The following NAALADL2 variants were observed in gnomAD, a reference collection of about 807,000 sequenced individuals.
NAALADL2 encodes the protein N-acetylated alpha-linked acidic dipeptidase like 2.
NAALADL2 carries 76 observed loss-of-function variants against 87.2 expected under a neutral mutation model. That is an observed-to-expected ratio of 0.87 (90% CI 0.72 to 1.05). The LOEUF is 1.05. NAALADL2 is among the 50% of genes least tolerant of loss of function. NAALADL2 has a pLI of 0.00. For synonymous variants in NAALADL2, 354 were observed against 331.0 expected (o/e 1.07, Z -0.75); for missense variants, 1,089 against 945.8 (o/e 1.15, Z -1.99).
chr3:175,318,225 T>A (rs1759396844), intron 4 of NAALADL2, among the ~76,000 whole-genome samples: 1 of 152,120 alleles, frequency 6.6e-6, no homozygotes, highest in Non-Finnish European at 1.5e-5. Flanking sequence ...TTTGTACTGA[T>A]AAGCAAATGA....
chr3:174,741,215 A>G (rs1268866963), intron 3 of NAALADL2, among the ~76,000 whole-genome samples: 3 of 151,700 alleles, frequency 2.0e-5, no homozygotes, highest in Non-Finnish European at 4.4e-5. Context: ...GTCTTGAGGT[A>G]CTTTTCATTA....
chr3:175,213,021 C>T (rs900269058), intron 2 of NAALADL2, among the ~76,000 whole-genome samples: 1 of 152,072 alleles, frequency 6.6e-6, no homozygotes, highest in Non-Finnish European at 1.5e-5. Flanking sequence ...GAAATCAGTG[C>T]AAGCCTAAAA....
chr3:174,754,464 A>G (rs1294960325), intron 3 of NAALADL2, among the ~76,000 whole-genome samples: 2 of 136,492 alleles, frequency 1.5e-5, no homozygotes, highest in African/African-American at 5.9e-5. Context: ...TTACAGAGCT[A>G]TCTTTTTTTT....
intron 11 of NAALADL2, among the ~76,000 whole-genome samples, chr3:175,654,532 G>C (rs1219449936): frequency 6.6e-6 from 1 of 152,048 alleles, no homozygotes; most frequent in African/African-American, 2.4e-5. Flanking sequence ...AATCATATTA[G>C]TCTATAGGTA....
At chr3:175,702,481 C>T (rs923728774) in intron 11 of NAALADL2, among the ~76,000 whole-genome samples, 3 of 151,716 alleles carry the variant, frequency 2.0e-5, no homozygotes, top group African/African-American at 7.3e-5. Flanking sequence ...GAAAAAAAAA[C>T]TAAAAAAGAA....
intron 11 of NAALADL2, among the ~76,000 whole-genome samples, chr3:175,704,314 C>T (rs1304157554): frequency 6.6e-6 from 1 of 152,124 alleles, no homozygotes; most frequent in Non-Finnish European, 1.5e-5. Flanking sequence ...GTGGAAAGCC[C>T]TGGAATATAT....
At chr3:174,983,316 G>A (rs748713869) in intron 1 of NAALADL2, among the ~76,000 whole-genome samples, 1 of 152,172 alleles carries the variant, frequency 6.6e-6, no homozygotes, top group African/African-American at 2.4e-5. Context: ...CTTGGCTATA[G>A]GGGTGGTCTC....
At chr3:174,555,924 C>T (rs980141699) in intron 2 of NAALADL2, among the ~76,000 whole-genome samples, 1 of 151,670 alleles carries the variant, frequency 6.6e-6, no homozygotes, top group Non-Finnish European at 1.5e-5. Flanking sequence ...TCCACCACCC[C>T]ATCGATGTTA....
intron 4 of NAALADL2, 138 bp downstream of exon 4, chr3:175,256,668 G>C: frequency 1.6e-6 from 1 of 644,590 alleles, no homozygotes; most frequent in Non-Finnish European, 2.4e-6. Flanking sequence ...AGAAAGAGAG[G>C]CAGAGAGTGT....
At chr3:175,237,337 C>A (rs1746079650) in intron 3 of NAALADL2, among the ~76,000 whole-genome samples, 1 of 151,864 alleles carries the variant, frequency 6.6e-6, no homozygotes, top group Non-Finnish European at 1.5e-5. Flanking sequence ...ATATCTTTTT[C>A]AAATTTAGCA....
intron 1 of NAALADL2, among the ~76,000 whole-genome samples, chr3:174,471,719 C>G (rs1716919996): frequency 6.6e-6 from 1 of 151,860 alleles, no homozygotes; most frequent in Non-Finnish European, 1.5e-5. Flanking sequence ...TTGTATGCCC[C>G]AGTATCCTCA....
At chr3:174,926,238 T>C (rs1388898534) in intron 1 of NAALADL2, among the ~76,000 whole-genome samples, 5 of 152,206 alleles carry the variant, frequency 3.3e-5, no homozygotes, top group Non-Finnish European at 7.3e-5. Context: ...CTGATTGGTG[T>C]ACCTGAAAGT....
intron 3 of NAALADL2, among the ~76,000 whole-genome samples, chr3:174,851,335 A>T (rs1281064520): frequency 4.0e-5 from 6 of 150,682 alleles, no homozygotes; most frequent in Non-Finnish European, 8.9e-5. Context: ...GGAAAGATAA[A>T]CAAAAGTGAA....
At chr3:175,171,999 G>A (rs1734909200) in intron 2 of NAALADL2, among the ~76,000 whole-genome samples, 1 of 151,988 alleles carries the variant, frequency 6.6e-6, no homozygotes, top group Non-Finnish European at 1.5e-5. Context: ...TTGGATATAG[G>A]GTAGATTAAG....
At chr3:175,027,253 C>G (rs1156602535) in intron 1 of NAALADL2, among the ~76,000 whole-genome samples, 1 of 151,952 alleles carries the variant, frequency 6.6e-6, no homozygotes, top group Non-Finnish European at 1.5e-5. Context: ...GATTTAATGC[C>G]AATGAATGAA....
intron 3 of NAALADL2, among the ~76,000 whole-genome samples, chr3:175,254,524 C>G (rs1485120755): frequency 1.3e-5 from 2 of 152,130 alleles, no homozygotes; most frequent in South Asian, 4.1e-4. Flanking sequence ...TATACACAAT[C>G]TGATCTATAT....
chr3:175,562,962 G>A (rs964633232), intron 9 of NAALADL2, among the ~76,000 whole-genome samples: 4 of 151,628 alleles, frequency 2.6e-5, no homozygotes, highest in African/African-American at 9.7e-5. Flanking sequence ...GGGTGTGTGT[G>A]TGTGTGTGTA....
intron 5 of NAALADL2, among the ~76,000 whole-genome samples, chr3:175,425,664 T>C (rs574128541): frequency 9.2e-5 from 14 of 152,256 alleles, no homozygotes; most frequent in Non-Finnish European, 1.9e-4. Context: ...ATTTAGATAG[T>C]ATTTGGTAAA....
chr3:175,141,055 C>T (rs1225476204), intron 2 of NAALADL2, among the ~76,000 whole-genome samples: 2 of 151,966 alleles, frequency 1.3e-5, no homozygotes, highest in Middle Eastern at 3.2e-3. Flanking sequence ...TAAAGGAGTC[C>T]GTAAACATGT....
Sources: allele counts gnomAD v4.1 joint callset (sites outside exome capture counted in the v4.1 genomes callset), GRCh38; gene constraint gnomAD v4.1.1; transcripts MANE v1.5; gene names NCBI Gene and HGNC (gene_info 2026-07-23, HGNC 2026-07-21).